Variants in IL1RAPL1 observed in about 807,000 individuals in gnomAD.
IL1RAPL1 encodes interleukin-1 receptor accessory protein-like 1.
IL1RAPL1 carries 3 observed loss-of-function variants against 48.4 expected under a neutral mutation model. The ratio of observed to expected loss-of-function variants is 0.06; its 90% CI spans 0.03 to 0.16. The LOEUF is 0.16. Ranked by LOEUF, IL1RAPL1 falls within the 10% of genes least tolerant of loss-of-function variation. The pLI is 1.00. For synonymous variants in IL1RAPL1, 185 were observed against 187.7 expected (o/e 0.99, Z 0.12); for missense variants, 349 against 530.6 (o/e 0.66, Z 3.36).
intron 2 of IL1RAPL1, among the ~76,000 whole-genome samples, chrX:28,947,480 A>G (rs1448926213): frequency 9.1e-6 from 1 of 110,360 alleles, no homozygotes; most frequent in Non-Finnish European, 1.9e-5. Flanking sequence ...GCATGTTCTC[A>G]CTCATAGGTG....
chrX:29,824,709 A>G (rs750395295), intron 6 of IL1RAPL1, among the ~76,000 whole-genome samples: 1 of 111,915 alleles, frequency 8.9e-6, no homozygotes, highest in East Asian at 2.8e-4. Context: ...TGAAGGGGAA[A>G]TTAAATGAGA....
At chrX:28,836,623 A>G (rs1175157404) in intron 2 of IL1RAPL1, among the ~76,000 whole-genome samples, 1 of 109,702 alleles carries the variant, frequency 9.1e-6, no homozygotes, top group African/African-American at 3.3e-5. Context: ...TTCATAGCCA[A>G]TGAAAGGCTT....
chrX:29,414,636 G>A (rs1489590420), intron 5 of IL1RAPL1, among the ~76,000 whole-genome samples: 4 of 111,398 alleles, frequency 3.6e-5, no homozygotes, highest in Non-Finnish European at 5.6e-5. Context: ...TGGGAGAATC[G>A]CCTGAGCCCA....
chrX:29,332,635 TA>T (rs1932897101), intron 3 of IL1RAPL1, among the ~76,000 whole-genome samples: 1 of 100,858 alleles, frequency 9.9e-6, no homozygotes, highest in African/African-American at 4.2e-5. Flanking sequence ...TTTATTTATT[TA>T]TTTATTTATT....
intron 5 of IL1RAPL1, among the ~76,000 whole-genome samples, chrX:29,463,671 C>T (rs771415670): frequency 1.1e-4 from 12 of 111,784 alleles, no homozygotes; most frequent in South Asian, 7.6e-4. Flanking sequence ...TCACGACCCC[C>T]ACACTCTTTG....
Position 29,418,626 on chromosome X carries a change from C to CA in IL1RAPL1, c.703+19319dup, listed in dbSNP as rs1245191424. On this transcript the variant is annotated intron_variant, in intron 5 of 10. Coordinates refer to ENST00000378993, the MANE Select transcript of IL1RAPL1 (RefSeq NM_014271.4). ...AGAATAATAAGTCAATAATAGTTAT[C>CA]AGCACCAAACATGAAGGAAGTGAAG... Among the ~76,000 whole-genome samples the CA allele has an allele frequency of 5.4e-5, 6 of 110,831 alleles. No individual in the cohort carries two copies. In the East Asian group the frequency reaches 1.7e-3, roughly 31 times the overall value.
intron 5 of IL1RAPL1, among the ~76,000 whole-genome samples, chrX:29,646,723 GAAAAT>G (rs1925338301): frequency 9.2e-6 from 1 of 108,211 alleles, no homozygotes; most frequent in African/African-American, 3.4e-5. Context: ...AAAAAAAAAA[GAAAAT>G]AAAGGGAGTT....
chrX:29,530,774 T>C (rs140754299), intron 5 of IL1RAPL1, among the ~76,000 whole-genome samples: 1,496 of 111,727 alleles, frequency 0.013, 23 homozygotes, highest in African/African-American at 0.046. Context: ...CCAGGAAGCA[T>C]GTGGAGTGAT....
chrX:29,198,329 C>G (rs1930485968), intron 2 of IL1RAPL1, among the ~76,000 whole-genome samples: 1 of 109,168 alleles, frequency 9.2e-6, no homozygotes, highest in African/African-American at 3.4e-5. Context: ...TGGAGTCTTA[C>G]TCTGTCACCC....
At chrX:29,925,444 T>G (rs1932881154) in intron 8 of IL1RAPL1, among the ~76,000 whole-genome samples, 1 of 24,368 alleles carries the variant, frequency 4.1e-5, no homozygotes, top group South Asian at 5.1e-3. Context: ...TTTTTTTTTT[T>G]TGCTGGGGGG....
chrX:29,182,744 A>G (rs1930172072), intron 2 of IL1RAPL1, among the ~76,000 whole-genome samples: 1 of 111,433 alleles, frequency 9.0e-6, no homozygotes, highest in African/African-American at 3.3e-5. Flanking sequence ...TCATATCCTG[A>G]TTTTTGGAAC....
intron 1 of IL1RAPL1, among the ~76,000 whole-genome samples, chrX:28,707,824 A>G (rs1442817624): frequency 8.9e-6 from 1 of 112,349 alleles, no homozygotes; most frequent in African/African-American, 3.2e-5. Flanking sequence ...TTGACTCAGT[A>G]TAAATAGGAA....
intron 6 of IL1RAPL1, among the ~76,000 whole-genome samples, chrX:29,877,302 G>T (rs1436208224): frequency 9.0e-6 from 1 of 111,019 alleles, no homozygotes; most frequent in Non-Finnish European, 1.9e-5. Context: ...TAAAATTGGG[G>T]ATCTCAGATG....
intron 5 of IL1RAPL1, among the ~76,000 whole-genome samples, chrX:29,551,186 TACA>T (rs775997044): frequency 1.8e-5 from 2 of 112,431 alleles, no homozygotes; most frequent in South Asian, 7.4e-4. Flanking sequence ...TGCGTATATA[TACA>T]ACATTTTGTT....
At chrX:28,648,629 G>T (rs181464989) in intron 1 of IL1RAPL1, among the ~76,000 whole-genome samples, 2 of 111,769 alleles carry the variant, frequency 1.8e-5, no homozygotes, top group East Asian at 2.8e-4. Flanking sequence ...TTAAGGTGGG[G>T]TTTTTTCAAA....
intron 5 of IL1RAPL1, among the ~76,000 whole-genome samples, chrX:29,605,996 C>T (rs1265962879): frequency 2.7e-5 from 3 of 111,642 alleles, no homozygotes; most frequent in Non-Finnish European, 5.7e-5. Flanking sequence ...GTGTTTTCTC[C>T]GTAGTAAGAA....
intron 5 of IL1RAPL1, 72 bp downstream of exon 5, chrX:29,399,380 AT>A: frequency 1.1e-6 from 1 of 880,994 alleles, no homozygotes; most frequent in Non-Finnish European, 1.7e-6. Context: ...TATGCTACAC[AT>A]TGATATTTTT....
At chrX:28,873,753 G>C (rs779661221) in intron 2 of IL1RAPL1, among the ~76,000 whole-genome samples, 51 of 106,585 alleles carry the variant, frequency 4.8e-4, no homozygotes, top group Non-Finnish European at 6.9e-4. Flanking sequence ...GGATGGTCTG[G>C]ATCTCCTGAC....
At chrX:28,723,918 T>G (rs986878696) in intron 1 of IL1RAPL1, among the ~76,000 whole-genome samples, 62 of 112,133 alleles carry the variant, frequency 5.5e-4, no homozygotes, top group Non-Finnish European at 1.1e-3. Flanking sequence ...GTGAGTTTCT[T>G]AATCCTGAGT....
Sources: gnomAD v4.1 joint callset for allele counts (sites outside exome capture counted in the v4.1 genomes callset) on GRCh38, gnomAD v4.1.1 for gene constraint, MANE v1.5 for transcripts, NCBI Gene and HGNC (gene_info 2026-07-23, HGNC 2026-07-21) for gene names.